Variants in PNPLA8 observed in about 807,000 individuals in gnomAD.
PNPLA8 encodes calcium-independent phospholipase A2-gamma.
Under a neutral mutation model 76.9 loss-of-function variants are expected in PNPLA8, and 39 were observed. The observed-to-expected ratio is 0.51, with a 90% CI of 0.39 to 0.66. PNPLA8 has a LOEUF of 0.66. PNPLA8 is among the 30% of genes least tolerant of loss of function. The pLI is 0.00. For synonymous variants in PNPLA8, 301 were observed against 307.9 expected (o/e 0.98, Z 0.24); for missense variants, 887 against 918.0 (o/e 0.97, Z 0.44).
chr7:108,504,314 T>G (rs1443158382), intron 4 of PNPLA8, among the ~76,000 whole-genome samples: 1 of 152,198 alleles, frequency 6.6e-6, no homozygotes, highest in African/African-American at 2.4e-5. Flanking sequence ...CAAGAATTGA[T>G]GTTCATATTA....
At chr7:108,489,000 T>C (rs1338054636) in intron 8 of PNPLA8, among the ~76,000 whole-genome samples, 1 of 152,242 alleles carries the variant, frequency 6.6e-6, no homozygotes, top group Non-Finnish European at 1.5e-5. Flanking sequence ...TGGATAGGCG[T>C]TGGCCATATA....
At chr7:108,488,233 C>A (rs918427848) in intron 8 of PNPLA8, among the ~76,000 whole-genome samples, 1 of 152,050 alleles carries the variant, frequency 6.6e-6, no homozygotes, top group Non-Finnish European at 1.5e-5. Flanking sequence ...TTCAAAAAGG[C>A]AAACATTTCT....
Position 108,479,210 on chromosome 7 carries a change from A to C in PNPLA8, c.2048T>G (p.Val683Gly). 2 of 1,612,774 alleles carry C rather than the reference A, an allele frequency of 1.2e-6. No homozygotes were observed. The highest frequency in any genetic ancestry group is 1.7e-6 in the Non-Finnish European group (2 of 1,178,794). ...TTCTGTATCTGTAGCACTGTTGATA[A>C]CATTAGAAAGTTTAGTTTTCAAGCT... ...YTSLKTKLSN[V>G]INSATDTEEV... is the part of the protein sequence containing the mutation. Residue 683 changes from valine to glycine, a missense_variant, in exon 10 of 11, where the codon GTT (valine) becomes GGT (glycine). Coordinates refer to ENST00000257694, the MANE Select transcript of PNPLA8 (RefSeq NM_001256007.3).
intron 8 of PNPLA8, 100 bp downstream of exon 8, chr7:108,491,310 A>G (rs1861147750): frequency 2.6e-6 from 2 of 763,652 alleles, no homozygotes; most frequent in South Asian, 1.6e-5. Flanking sequence ...TCTGTCTCAA[A>G]AAATAAAAAT....
Position 108,471,658 on chromosome 7 carries a change from G to A in PNPLA8, c.*743C>T, listed in dbSNP as rs1242448062. The A allele has an allele frequency of 6.6e-6, 1 of 152,146 alleles. No homozygotes were observed. The highest frequency in any genetic ancestry group is 1.5e-5 in the Non-Finnish European group (1 of 68,022). 9.4% of individuals were successfully genotyped at this position (152,146 alleles called of 1,614,324 possible). A position where few individuals can be genotyped will look rare whatever the true frequency, so the allele number is the denominator to read the frequency against. ...AAATAGTTTATTTTTGTTAATGATA[G>A]GAATATCTCCTCAGTAAGTTCAAAC... On this transcript the variant is annotated 3_prime_UTR_variant, in exon 11 of 11. Transcript: ENST00000257694.
intron 9 of PNPLA8, among the ~76,000 whole-genome samples, chr7:108,480,195 G>C (rs900593518): frequency 1.6e-4 from 25 of 151,876 alleles, no homozygotes; most frequent in African/African-American, 5.1e-4. Flanking sequence ...AGGGACACCT[G>C]GTCTCTACAA....
intron 10 of PNPLA8, among the ~76,000 whole-genome samples, chr7:108,476,948 A>C (rs535561284): frequency 6.6e-6 from 1 of 152,338 alleles, no homozygotes; most frequent in Non-Finnish European, 1.5e-5. Context: ...GAACTAAAAA[A>C]AACAGAGGAG....
At chr7:108,507,341 C>CAAAAA (rs66685490) in intron 4 of PNPLA8, among the ~76,000 whole-genome samples, 139 of 45,362 alleles carry the variant, frequency 3.1e-3, no homozygotes, top group Non-Finnish European at 3.6e-3. Context: ...GACTCTGTCT[C>CAAAAA]AAAAAAAAAA....
intron 1 of PNPLA8, 130 bp downstream of exon 1, chr7:108,525,899 C>T (rs1473921766): frequency 3.8e-6 from 1 of 261,058 alleles, no homozygotes. Flanking sequence ...CAAAGCCTGG[C>T]GTGTCCCCAC....
At chr7:108,485,685 C>A (rs1860695261) in intron 9 of PNPLA8, among the ~76,000 whole-genome samples, 1 of 152,072 alleles carries the variant, frequency 6.6e-6, no homozygotes, top group Non-Finnish European at 1.5e-5. Flanking sequence ...CAACCAAGAT[C>A]ATTCACACCT....
At chr7:108,479,470 C>A in intron 9 of PNPLA8, 91 bp from the exon 10 acceptor site, 3 of 877,980 alleles carry the variant, frequency 3.4e-6, no homozygotes, top group Middle Eastern at 2.2e-4. Context: ...TATTTAAAAC[C>A]AAGAGGTTCC....
At chr7:108,501,572 C>T (rs1288443435) in intron 5 of PNPLA8, among the ~76,000 whole-genome samples, 1 of 152,036 alleles carries the variant, frequency 6.6e-6, no homozygotes, top group Non-Finnish European at 1.5e-5. Flanking sequence ...CCTGTAATCA[C>T]AGCACTTTGG....
chr7:108,526,200 G>C, upstream of PNPLA8: 1 of 655,530 alleles, frequency 1.5e-6, no homozygotes, highest in African/African-American at 2.0e-5. Context: ...GAAGTGACGC[G>C]CTAGAAGTTT....
intron 4 of PNPLA8, among the ~76,000 whole-genome samples, chr7:108,507,769 C>CGGTT (rs977008258): frequency 7.2e-5 from 11 of 152,088 alleles, no homozygotes; most frequent in African/African-American, 2.7e-4. Context: ...CTTTGAAAAC[C>CGGTT]GGTAACTAAA....
chr7:108,479,523 C>A, intron 9 of PNPLA8, 144 bp from the exon 10 acceptor site: 1 of 623,922 alleles, frequency 1.6e-6, no homozygotes, highest in Non-Finnish European at 2.8e-6. Flanking sequence ...GCAAAAAAAT[C>A]CATGCGAAGA....
intron 1 of PNPLA8, among the ~76,000 whole-genome samples, chr7:108,524,014 T>C (rs1863917290): frequency 6.6e-6 from 1 of 152,170 alleles, no homozygotes; most frequent in Non-Finnish European, 1.5e-5. Context: ...GACAATTTAA[T>C]AGGAGAGAAA....
chr7:108,523,060 T>C (rs1267506454), intron 1 of PNPLA8, among the ~76,000 whole-genome samples: 1 of 152,158 alleles, frequency 6.6e-6, no homozygotes, highest in East Asian at 1.9e-4. Flanking sequence ...AGTGAGATGC[T>C]ATCATCAACT....
At chr7:108,486,239 CT>C (rs1860728807) in intron 9 of PNPLA8, among the ~76,000 whole-genome samples, 2 of 152,052 alleles carry the variant, frequency 1.3e-5, no homozygotes, top group Admixed American at 6.6e-5. Flanking sequence ...GTATTTGAGA[CT>C]TTCACTAATT....
At chr7:108,497,274 A>C (rs973433038) in intron 6 of PNPLA8, among the ~76,000 whole-genome samples, 1 of 152,192 alleles carries the variant, frequency 6.6e-6, no homozygotes, top group African/African-American at 2.4e-5. Flanking sequence ...AGCTGATTCC[A>C]TATCTAGCTA....
Sources: allele counts gnomAD v4.1 joint callset (sites outside exome capture counted in the v4.1 genomes callset), GRCh38; gene constraint gnomAD v4.1.1; transcripts MANE v1.5; gene names NCBI Gene and HGNC (gene_info 2026-07-23, HGNC 2026-07-21).